Variants in PSIP1 observed in about 807,000 individuals in gnomAD.
The protein encoded by PSIP1 is PC4 and SFRS1-interacting protein.
PSIP1 carries 19 observed loss-of-function variants against 74.7 expected under a neutral mutation model. That is an observed-to-expected ratio of 0.25 (90% CI 0.18 to 0.37). PSIP1 has a LOEUF of 0.37. PSIP1 is among the 10% of genes least tolerant of loss of function. The probability of loss-of-function intolerance (pLI) is 1.00; values close to 1 mark genes in which losing one functional copy is unlikely to be tolerated. For missense variants in PSIP1, 601 were observed against 614.3 expected (o/e 0.98, Z 0.23); for synonymous variants, 222 against 195.3 (o/e 1.14, Z -1.14).
At chr9:15,491,549 T>C (rs2036833187) in intron 3 of PSIP1, among the ~76,000 whole-genome samples, 1 of 152,152 alleles carries the variant, frequency 6.6e-6, no homozygotes, top group South Asian at 2.1e-4. Context: ...TGTTTGCATA[T>C]GTGTGTACAT....
intron 8 of PSIP1, among the ~76,000 whole-genome samples, chr9:15,476,317 G>A (rs1267840193): frequency 2.0e-5 from 3 of 152,182 alleles, no homozygotes; most frequent in Non-Finnish European, 4.4e-5. Flanking sequence ...AGGGCTGGGA[G>A]ACTGGAAACC....
In PSIP1 at chr9:15,490,047, CCTTTT is replaced by C; in HGVS notation, c.222_226del (p.Lys75PhefsTer2). 1.2e-6 allele frequency: 2 copies of C among 1,605,184 alleles called. No homozygotes were observed. The highest frequency in any genetic ancestry group is 1.7e-6 in the Non-Finnish European group (2 of 1,175,794). ...TATCTCCCATAAACCTTCATTAAAACCTTTTCTTTTATTTGGTTTGCCATACTTTT... is the reference window on the plus strand; with the variant it reads ...TATCTCCCATAAACCTTCATTAAAACCTTTTATTTGGTTTGCCATACTTTT... On this transcript the variant is annotated frameshift_variant, in exon 4 of 16. Coordinates refer to ENST00000380733, the MANE Select transcript of PSIP1 (RefSeq NM_033222.5). LOFTEE classifies it high-confidence loss of function.
At chr9:15,501,199 T>G (rs1459715601) in intron 3 of PSIP1, among the ~76,000 whole-genome samples, 1 of 152,074 alleles carries the variant, frequency 6.6e-6, no homozygotes, top group Non-Finnish European at 1.5e-5. Flanking sequence ...TCTGATCTAG[T>G]TGCTCTACAT....
chr9:15,505,510 T>G (rs2037545719), intron 3 of PSIP1: 1 of 152,120 alleles, frequency 6.6e-6, no homozygotes, highest in South Asian at 2.1e-4. Flanking sequence ...CAAAGTTGTA[T>G]TTTTTTAAAA....
At chr9:15,471,927 A>C in intron 10 of PSIP1, 1 of 981,106 alleles carries the variant, frequency 1.0e-6, no homozygotes, top group Middle Eastern at 5.2e-4. Context: ...AAAGCATGTC[A>C]GAGAAAGAAC....
rs113391732 is a variant in PSIP1, at chr9:15,470,778, G to A, written c.978-785C>T. On this transcript the variant is annotated intron_variant, in intron 10 of 15. Transcript: ENST00000380733. Reference sequence around the variant, plus strand: ...AAACAACAAAGGAATGTCAAGAGAAGGGCCCCATTCTCAGGGATATAACTG... The same window carrying A: ...AAACAACAAAGGAATGTCAAGAGAAAGGCCCCATTCTCAGGGATATAACTG... 6.8e-5 allele frequency: 67 copies of A among 988,554 alleles called. No homozygotes were observed. In the African/African-American group the frequency reaches 9.7e-4, roughly 14 times the overall value. The allele number at this position is 988,554 out of a possible 1,614,324, so 61.2% of individuals were successfully genotyped here.
At chr9:15,496,629 C>G (rs954019269) in intron 3 of PSIP1, among the ~76,000 whole-genome samples, 2 of 152,178 alleles carry the variant, frequency 1.3e-5, no homozygotes, top group African/African-American at 4.8e-5. Context: ...TGCTCCTACT[C>G]CCAGATTCAG....
chr9:15,475,692 TAAA>T (rs1254916911), intron 8 of PSIP1, among the ~76,000 whole-genome samples: 2 of 152,220 alleles, frequency 1.3e-5, no homozygotes, highest in African/African-American at 4.8e-5. Context: ...CCTAAGGTCA[TAAA>T]AAAGATTATT....
At chr9:15,501,872 G>C (rs969713701) in intron 3 of PSIP1, among the ~76,000 whole-genome samples, 1 of 105,694 alleles carries the variant, frequency 9.5e-6, no homozygotes, top group East Asian at 2.5e-4. Context: ...TATATAAAAC[G>C]CACACCCTCC....
intron 9 of PSIP1, 138 bp from the exon 10 acceptor site, chr9:15,472,888 C>A: frequency 1.3e-6 from 1 of 743,008 alleles, no homozygotes; most frequent in Non-Finnish European, 2.2e-6. Context: ...TAAAAATAGT[C>A]TTTGAATTAC....
At chr9:15,476,540 G>C (rs1414178187) in intron 8 of PSIP1, among the ~76,000 whole-genome samples, 1 of 152,064 alleles carries the variant, frequency 6.6e-6, no homozygotes, top group African/African-American at 2.4e-5. Context: ...TTTCAAATTG[G>C]GTGATAGCCT....
rs910649456 is a variant in PSIP1 at position 15,472,306 on chromosome 9, CTCTA to C, written c.977+322_977+325del. ...TTTGTCTACCAGTATATTATCGCCC[CTCTA>C]TCTATATGTATTATATTATACAAAC... is the stretch of plus-strand genomic sequence containing the variant. On this transcript the variant is annotated intron_variant, in intron 10 of 15. Coordinates refer to ENST00000380733, the MANE Select transcript of PSIP1 (RefSeq NM_033222.5). 34 of 1,029,706 alleles carry C rather than the reference CTCTA, an allele frequency of 3.3e-5. No homozygotes were observed. In the Admixed American group the frequency reaches 6.3e-4, roughly 19 times the overall value. 63.8% of individuals were successfully genotyped at this position (1,029,706 alleles called of 1,614,324 possible).
chr9:15,506,599 T>C lies in PSIP1; in HGVS notation c.111A>G (p.Thr37=), dbSNP rs1221311043. Residue 37 remains threonine (T), a synonymous_variant, in exon 3 of 16, where the codon ACA becomes ACG. Transcript: ENST00000380733. ...CAAAAAAGAAAATGGGTAGTTTGTT[T>C]GTGGGTGGCTTTACAGCTCCATCAG... ...EVPDGAVKPP[T]NKLPIFFFGT... The C allele has an allele frequency of 6.2e-7, 1 of 1,613,212 alleles. No individual in the cohort carries two copies.
At chr9:15,487,001 TTTTA>T in intron 4 of PSIP1, 70 bp from the exon 5 acceptor site, 1 of 1,015,378 alleles carries the variant, frequency 9.8e-7, no homozygotes, top group Non-Finnish European at 1.4e-6. Context: ...AATTCTTTAT[TTTTA>T]TTTTTTTTTT....
At position 15,465,527 on chromosome 9, in the gene PSIP1, T is replaced by TC. The variant is rs2035561440; in HGVS notation, c.1585dup (p.Asp529GlyfsTer2). On this transcript the variant is annotated frameshift_variant, in exon 16 of 16. Coordinates refer to ENST00000380733, the MANE Select transcript of PSIP1 (RefSeq NM_033222.5). LOFTEE classifies it high-confidence loss of function. ...TATTCCAGGTATGTCAACCTAGTTA[T>TC]CTAGTGTAGAATCCTTCAGAGATAT... 6.4e-7 allele frequency: 1 copy of TC among 1,564,598 alleles called. No homozygotes were observed. Among genetic ancestry groups the TC allele is most frequent in the Non-Finnish European group, 8.8e-7 (1 of 1,140,900 alleles).
At chr9:15,485,070 G>C (rs1289439222) in intron 6 of PSIP1, among the ~76,000 whole-genome samples, 1 of 152,068 alleles carries the variant, frequency 6.6e-6, no homozygotes, top group East Asian at 1.9e-4. Context: ...CTATGTGACA[G>C]CATGAGACCC....
intron 4 of PSIP1, among the ~76,000 whole-genome samples, chr9:15,487,164 T>C (rs1393544799): frequency 6.6e-6 from 1 of 150,768 alleles, no homozygotes; most frequent in Non-Finnish European, 1.5e-5. Flanking sequence ...TGCACCACTG[T>C]ACCCCAGCCT....
intron 6 of PSIP1, among the ~76,000 whole-genome samples, chr9:15,481,149 C>T (rs2036317707): frequency 6.6e-6 from 1 of 152,144 alleles, no homozygotes; most frequent in Non-Finnish European, 1.5e-5. Context: ...ATTTTAAGAA[C>T]TTACAAAGTT....
chr9:15,498,585 C>G (rs965602633), intron 3 of PSIP1, among the ~76,000 whole-genome samples: 2 of 152,114 alleles, frequency 1.3e-5, no homozygotes, highest in African/African-American at 2.4e-5. Context: ...ACGGACATCA[C>G]TATACTACTT....
Sources: gnomAD v4.1 joint callset for allele counts (sites outside exome capture counted in the v4.1 genomes callset) on GRCh38, gnomAD v4.1.1 for gene constraint, MANE v1.5 for transcripts, NCBI Gene and HGNC (gene_info 2026-07-23, HGNC 2026-07-21) for gene names.